Variants in MARK3 observed in about 807,000 individuals in gnomAD.
MARK3 encodes the protein microtubule affinity regulating kinase 3.
Under a neutral mutation model 90.1 loss-of-function variants are expected in MARK3, and 46 were observed. That is an observed-to-expected ratio of 0.51 (90% CI 0.40 to 0.65). The LOEUF is 0.65. Ranked by LOEUF, MARK3 falls within the 30% of genes least tolerant of loss-of-function variation. The probability of loss-of-function intolerance (pLI) is 0.00; values close to 1 mark genes in which losing one functional copy is unlikely to be tolerated. For missense variants in MARK3, 818 were observed against 947.2 expected (o/e 0.86, Z 1.79); for synonymous variants, 321 against 332.6 (o/e 0.97, Z 0.38).
intron 12 of MARK3, among the ~76,000 whole-genome samples, chr14:103,470,533 G>A (rs2093608679): frequency 7.7e-6 from 1 of 130,416 alleles, no homozygotes; most frequent in African/African-American, 2.8e-5. Context: ...TCGGCTCACT[G>A]CAACCTCCGC....
intron 15 of MARK3, among the ~76,000 whole-genome samples, chr14:103,494,851 G>C (rs2075246369): frequency 6.6e-6 from 1 of 151,996 alleles, no homozygotes; most frequent in African/African-American, 2.4e-5. Context: ...TGGCCAGGCT[G>C]GTCTTGAACT....
At chr14:103,416,021 G>A (rs986911659) in intron 2 of MARK3, among the ~76,000 whole-genome samples, 2 of 151,954 alleles carry the variant, frequency 1.3e-5, no homozygotes, top group African/African-American at 2.4e-5. Flanking sequence ...CTTAAATTAC[G>A]ACTGTGTAAG....
rs564587999 is a variant in MARK3, at chr14:103,428,693, A to G, written c.297+253A>G. 7.9e-5 allele frequency among the ~76,000 whole-genome samples: 12 copies of G among 152,238 alleles called. No individual in the cohort carries two copies. In the East Asian group the frequency reaches 2.3e-3, roughly 29 times the overall value. On this transcript the variant is annotated intron_variant, in intron 3 of 17. Coordinates refer to ENST00000429436, the MANE Select transcript of MARK3 (RefSeq NM_001128918.3). ...TTTTTTTGTACTTTTTTATTGATAT[A>G]GTTGTACGAGGCTGTACTTTTTATT...
At chr14:103,453,760 A>G (rs1010416992) in intron 5 of MARK3, among the ~76,000 whole-genome samples, 1 of 152,194 alleles carries the variant, frequency 6.6e-6, no homozygotes, top group African/African-American at 2.4e-5. Flanking sequence ...CAGCCTCTAC[A>G]GTGTACAAGG....
chr14:103,451,770 A>G (rs2093151791), intron 4 of MARK3, 148 bp from the exon 5 acceptor site: 1 of 607,092 alleles, frequency 1.6e-6, no homozygotes, highest in Non-Finnish European at 2.9e-6. Flanking sequence ...GTATTTGATA[A>G]AATTCCCTAA....
chr14:103,393,547 CCTTAT>C lies in MARK3; in HGVS notation c.51+7473_51+7477del, dbSNP rs561402002. On this transcript the variant is annotated intron_variant, in intron 1 of 17. Transcript: ENST00000429436. ...ATCTTATAGACTTCAATTTGAGCATCCTTATCTTATGTATGTAAATGAGGTAAAGG... is the reference window on the plus strand; with the variant it reads ...ATCTTATAGACTTCAATTTGAGCATCCTTATGTATGTAAATGAGGTAAAGG... Among the ~76,000 whole-genome samples the C allele has an allele frequency of 1.4e-3, 210 of 152,164 alleles. 1 individual carries two copies. The highest frequency in any genetic ancestry group is 4.7e-3 in the African/African-American group (197 of 41,520).
At chr14:103,460,161 C>T (rs1263140697) in intron 6 of MARK3, among the ~76,000 whole-genome samples, 1 of 133,594 alleles carries the variant, frequency 7.5e-6, no homozygotes, top group Non-Finnish European at 1.5e-5. Context: ...TCTCGGCTCA[C>T]TGCAAGCTCC....
Position 103,503,786 on chromosome 14 carries a change from AAGT to A in MARK3, c.*562_*564del, listed in dbSNP as rs1392131021. On this transcript the variant is annotated 3_prime_UTR_variant, in exon 18 of 18. Coordinates refer to ENST00000429436, the MANE Select transcript of MARK3 (RefSeq NM_001128918.3). Reference sequence around the variant, plus strand: ...GAACATTGCTTGTGTGTGTTTTTCTAAGTAGATTCACAAGATAATTAAAAATTC... The same window carrying A: ...GAACATTGCTTGTGTGTGTTTTTCTAAGATTCACAAGATAATTAAAAATTC... 6.5e-6 allele frequency: 1 copy of A among 153,082 alleles called. No homozygotes were observed. The highest frequency in any genetic ancestry group is 6.5e-5 in the Admixed American group (1 of 15,314). The allele number at this position is 153,082 out of a possible 1,614,324, so 9.5% of individuals were successfully genotyped here. A position where few individuals can be genotyped will look rare whatever the true frequency, so the allele number is the denominator to read the frequency against.
Position 103,386,080 on chromosome 14 carries a change from CG to C in MARK3, c.51+1del. On this transcript the variant is annotated splice_donor_variant, in intron 1 of 17. Coordinates refer to ENST00000429436, the MANE Select transcript of MARK3 (RefSeq NM_001128918.3). LOFTEE classifies it high-confidence loss of function. The stretch of plus-strand genomic sequence containing the variant: ...CGGTGAATGAACGAGACACTGAAAA[CG>C]TAAGTAACCTGGGCGTTGTAGTTGG... The C allele has an allele frequency of 6.2e-7, 1 of 1,614,096 alleles. No homozygotes were observed. The highest frequency in any genetic ancestry group is 8.5e-7 in the Non-Finnish European group (1 of 1,179,902).
Position 103,457,141 on chromosome 14 carries a change from G to T in MARK3, c.413-1G>T. On this transcript the variant is annotated splice_acceptor_variant, in intron 5 of 17. Coordinates refer to ENST00000429436, the MANE Select transcript of MARK3 (RefSeq NM_001128918.3). LOFTEE classifies it high-confidence loss of function. ...CTTACTTTTATTTCTCTCACCTATA[G>T]GTGAAGTATTTGACTATTTGGTTGC... is the stretch of plus-strand genomic sequence containing the variant. 6.3e-7 allele frequency: 1 copy of T among 1,591,054 alleles called. No individual in the cohort carries two copies. The highest frequency in any genetic ancestry group is 1.1e-5 in the South Asian group (1 of 90,392).
chr14:103,422,843 C>A (rs2092271039), intron 2 of MARK3, among the ~76,000 whole-genome samples: 1 of 152,172 alleles, frequency 6.6e-6, no homozygotes, highest in Non-Finnish European at 1.5e-5. Context: ...ACTTGGCCTC[C>A]ATTTGCTATG....
chr14:103,393,351 A>G (rs2090386299), intron 1 of MARK3, among the ~76,000 whole-genome samples: 1 of 152,210 alleles, frequency 6.6e-6, no homozygotes, highest in South Asian at 2.1e-4. Context: ...TTATCAGAAA[A>G]AAGTTGGCCT....
intron 14 of MARK3, among the ~76,000 whole-genome samples, chr14:103,480,871 G>A (rs1363089338): frequency 6.6e-6 from 1 of 152,212 alleles, no homozygotes; most frequent in Non-Finnish European, 1.5e-5. Context: ...GAGGCAGAGA[G>A]TCATACCTCA....
chr14:103,488,302 A>C (rs2093964075), intron 14 of MARK3, among the ~76,000 whole-genome samples: 1 of 152,050 alleles, frequency 6.6e-6, no homozygotes, highest in Admixed American at 6.6e-5. Flanking sequence ...TGGGCTCGGC[A>C]CCATCAGACA....
intron 7 of MARK3, among the ~76,000 whole-genome samples, chr14:103,463,177 C>G (rs951299257): frequency 3.3e-5 from 5 of 151,342 alleles, no homozygotes; most frequent in African/African-American, 9.7e-5. Flanking sequence ...AAAGCCATGC[C>G]TGTTCCTCTT....
Position 103,385,925 on chromosome 14 carries a change from G to A in MARK3, c.-105G>A. 2 of 889,714 alleles carry A rather than the reference G, an allele frequency of 2.2e-6. No homozygotes were observed. Among genetic ancestry groups the A allele is most frequent in the African/African-American group, 1.6e-5 (1 of 60,992 alleles). 55.1% of individuals were successfully genotyped at this position (889,714 alleles called of 1,614,324 possible). A position where few individuals can be genotyped will look rare whatever the true frequency, so the allele number is the denominator to read the frequency against. On this transcript the variant is annotated 5_prime_UTR_variant, in exon 1 of 18. Transcript: ENST00000429436. Reference sequence around the variant, plus strand: ...GGAAGGGAGCCGCCCTCCCCACGGCGCCTTTTCGGAACTGCCGTGGACTCG... The same window carrying A: ...GGAAGGGAGCCGCCCTCCCCACGGCACCTTTTCGGAACTGCCGTGGACTCG...
chr14:103,458,476 G>A (rs4906325), intron 6 of MARK3, among the ~76,000 whole-genome samples: 93,055 of 97,828 alleles, frequency 0.95, 44,527 homozygotes, highest in Non-Finnish European at 0.99. Context: ...AAAAAAAAAA[G>A]AAGCAGCAGC....
intron 3 of MARK3, among the ~76,000 whole-genome samples, chr14:103,432,922 C>T (rs1325150190): frequency 6.6e-6 from 1 of 151,926 alleles, no homozygotes; most frequent in African/African-American, 2.4e-5. Flanking sequence ...TTTTGTAAGG[C>T]AGGGACAGGG....
intron 14 of MARK3, among the ~76,000 whole-genome samples, chr14:103,484,127 C>T (rs2093877093): frequency 6.6e-6 from 1 of 151,608 alleles, no homozygotes; most frequent in Non-Finnish European, 1.5e-5. Context: ...AGAGAAGTGA[C>T]GTGCTGGTGT....
Sources: gnomAD v4.1 joint callset for allele counts (sites outside exome capture counted in the v4.1 genomes callset) on GRCh38, gnomAD v4.1.1 for gene constraint, MANE v1.5 for transcripts, NCBI Gene and HGNC (gene_info 2026-07-23, HGNC 2026-07-21) for gene names.